Variants in CAMKMT observed in about 807,000 individuals in gnomAD.
CAMKMT encodes calmodulin-lysine N-methyltransferase.
Under a neutral mutation model 48.0 loss-of-function variants are expected in CAMKMT, and 53 were observed. The observed-to-expected ratio is 1.10, with a 90% confidence interval of 0.89 to 1.39. The LOEUF is 1.39. CAMKMT is among the 40% of genes most tolerant of loss of function. The pLI, the probability that CAMKMT is intolerant of heterozygous loss-of-function variation, is 0.00. For missense variants in CAMKMT, 428 were observed against 402.7 expected (o/e 1.06, Z -0.54); for synonymous variants, 165 against 152.3 (o/e 1.08, Z -0.61).
intron 9 of CAMKMT, among the ~76,000 whole-genome samples, chr2:44,758,644 A>G (rs377285876): frequency 2.6e-5 from 4 of 152,208 alleles, no homozygotes; most frequent in Non-Finnish European, 5.9e-5. Context: ...CCAAGAAGCA[A>G]TGTCCCCCTC....
rs567701395 is a variant in CAMKMT, at chr2:44,448,847, G to T, written c.376+58542G>T. Among the ~76,000 whole-genome samples the T allele has an allele frequency of 1.1e-4, 17 of 152,290 alleles. No homozygotes were observed. The South Asian group carries it at 3.5e-3, about 32-fold the overall frequency. On this transcript the variant is annotated intron_variant, in intron 3 of 10. Coordinates refer to ENST00000378494, the MANE Select transcript of CAMKMT (RefSeq NM_024766.5). The stretch of plus-strand genomic sequence containing the variant: ...ATGAATGAATTAATGATACAACCTG[G>T]ATGAACCTCAGAAACATTGTGCTAA...
At chr2:44,461,049 C>G (rs1211967855) in intron 3 of CAMKMT, among the ~76,000 whole-genome samples, 1 of 152,118 alleles carries the variant, frequency 6.6e-6, no homozygotes, top group African/African-American at 2.4e-5. Context: ...TAAGTAGAGC[C>G]TTCTCCATCT....
At chr2:44,415,014 C>G (rs1339581953) in intron 3 of CAMKMT, among the ~76,000 whole-genome samples, 1 of 152,130 alleles carries the variant, frequency 6.6e-6, no homozygotes, top group Admixed American at 6.5e-5. Flanking sequence ...ATTATCTGGG[C>G]ATGGCGGTGT....
At chr2:44,453,675 A>T (rs1667413155) in intron 3 of CAMKMT, among the ~76,000 whole-genome samples, 1 of 152,056 alleles carries the variant, frequency 6.6e-6, no homozygotes, top group African/African-American at 2.4e-5. Context: ...ATTAAAAGAT[A>T]ATTTTATTGT....
intron 3 of CAMKMT, among the ~76,000 whole-genome samples, chr2:44,609,646 C>A (rs1572911608): frequency 1.3e-5 from 2 of 152,150 alleles, no homozygotes; most frequent in South Asian, 2.1e-4. Flanking sequence ...TTGACCATTG[C>A]AATTTTATAG....
intron 7 of CAMKMT, among the ~76,000 whole-genome samples, chr2:44,717,024 A>G (rs996310140): frequency 6.6e-6 from 1 of 152,180 alleles, no homozygotes; most frequent in Non-Finnish European, 1.5e-5. Flanking sequence ...GTGCAATGGT[A>G]TTTTCTGTCA....
chr2:44,602,978 C>T (rs1671082989), intron 3 of CAMKMT, among the ~76,000 whole-genome samples: 1 of 151,978 alleles, frequency 6.6e-6, no homozygotes, highest in Admixed American at 6.5e-5. Flanking sequence ...ATTCCTCTCA[C>T]CCAAGTATTT....
At chr2:44,507,006 T>C (rs1418956702) in intron 3 of CAMKMT, among the ~76,000 whole-genome samples, 1 of 152,052 alleles carries the variant, frequency 6.6e-6, no homozygotes, top group Non-Finnish European at 1.5e-5. Flanking sequence ...AGGTAGTGCC[T>C]ACAAGAAAAT....
intron 3 of CAMKMT, chr2:44,393,661 T>C (rs1681557770): frequency 6.6e-6 from 1 of 152,204 alleles, no homozygotes; most frequent in East Asian, 1.9e-4. Context: ...ACAAGCTACC[T>C]AGGGAAGAGT....
chr2:44,707,977 G>A (rs1298140258), intron 6 of CAMKMT, among the ~76,000 whole-genome samples: 1 of 151,920 alleles, frequency 6.6e-6, no homozygotes, highest in African/African-American at 2.4e-5. Context: ...TTTTATTTAG[G>A]ATTTTATTTA....
chr2:44,512,574 G>C (rs1425631512), intron 3 of CAMKMT, among the ~76,000 whole-genome samples: 1 of 152,106 alleles, frequency 6.6e-6, no homozygotes, highest in Non-Finnish European at 1.5e-5. Context: ...CCTTTCAAGA[G>C]TCTCCTACTT....
At chr2:44,678,079 A>G (rs1675815747) in intron 3 of CAMKMT, among the ~76,000 whole-genome samples, 1 of 152,182 alleles carries the variant, frequency 6.6e-6, no homozygotes, top group East Asian at 1.9e-4. Context: ...CCATGTATGA[A>G]TCCTAAACTA....
At chr2:44,706,233 T>C in intron 4 of CAMKMT, 54 bp from the exon 5 acceptor site, 1 of 1,580,802 alleles carries the variant, frequency 6.3e-7, no homozygotes, top group South Asian at 1.1e-5. Context: ...TATCTCTCTC[T>C]GACCATTTTC....
chr2:44,621,266 C>CAAAAAAAAAAAAA (rs10667154), intron 3 of CAMKMT, among the ~76,000 whole-genome samples: 6 of 84,520 alleles, frequency 7.1e-5, no homozygotes, highest in African/African-American at 2.7e-4. Context: ...GACTCCATCT[C>CAAAAAAAAAAAAA]AAAAAAAAAA....
chr2:44,525,481 C>A (rs1671356469), intron 3 of CAMKMT, among the ~76,000 whole-genome samples: 1 of 152,118 alleles, frequency 6.6e-6, no homozygotes, highest in Non-Finnish European at 1.5e-5. Context: ...GTCTCGATCT[C>A]CTGACCTCGT....
At chr2:44,424,971 G>A (rs1054682948) in intron 3 of CAMKMT, among the ~76,000 whole-genome samples, 3 of 152,126 alleles carry the variant, frequency 2.0e-5, no homozygotes, top group Non-Finnish European at 4.4e-5. Flanking sequence ...TAAAGTTTTT[G>A]GGATATACAT....
chr2:44,690,727 G>C (rs952388753), intron 3 of CAMKMT, among the ~76,000 whole-genome samples: 1 of 152,128 alleles, frequency 6.6e-6, no homozygotes, highest in Non-Finnish European at 1.5e-5. Context: ...TGTAATACCA[G>C]CACTTTGGGA....
At chr2:44,467,916 G>A (rs1668208229) in intron 3 of CAMKMT, among the ~76,000 whole-genome samples, 1 of 152,090 alleles carries the variant, frequency 6.6e-6, no homozygotes, top group South Asian at 2.1e-4. Context: ...AAGAAAGTAT[G>A]GGAGAAATGC....
chr2:44,587,514 C>G (rs1034109560), intron 3 of CAMKMT, among the ~76,000 whole-genome samples: 1 of 146,340 alleles, frequency 6.8e-6, no homozygotes, highest in East Asian at 2.0e-4. Flanking sequence ...CACGGTCTCC[C>G]TCTGATGCCG....
Sources: gnomAD v4.1 joint callset for allele counts (sites outside exome capture counted in the v4.1 genomes callset) on GRCh38, gnomAD v4.1.1 for gene constraint, MANE v1.5 for transcripts, NCBI Gene and HGNC (gene_info 2026-07-23, HGNC 2026-07-21) for gene names.